The following TENM3 variants were observed in gnomAD, a reference collection of about 807,000 sequenced individuals.
TENM3 encodes the protein teneurin-3.
TENM3 carries 63 observed loss-of-function variants against 255.1 expected under a neutral mutation model. The ratio of observed to expected loss-of-function variants is 0.25; its 90% CI spans 0.20 to 0.30. TENM3 has a LOEUF of 0.30. TENM3 is among the 10% of genes least tolerant of loss of function. The pLI is 1.00. For synonymous variants in TENM3, 1,306 were observed against 1,322.3 expected (o/e 0.99, Z 0.27); for missense variants, 2,929 against 3,461.1 (o/e 0.85, Z 3.86).
intron 3 of TENM3, among the ~76,000 whole-genome samples, chr4:182,417,818 T>A (rs1177906413): frequency 6.6e-6 from 1 of 152,256 alleles, no homozygotes; most frequent in Non-Finnish European, 1.5e-5. Context: ...ATCATTTTGC[T>A]ATTTTCTTTG....
chr4:181,621,596 A>G, the TENM3 span, among the ~76,000 whole-genome samples: 38 of 152,308 alleles, frequency 2.5e-4, no homozygotes, highest in Admixed American at 2.5e-3. Context: ...AACTCCTTTT[A>G]CAATTTCTGT....
chr4:182,032,795 A>C, the TENM3 span, among the ~76,000 whole-genome samples: 2 of 152,206 alleles, frequency 1.3e-5, no homozygotes, highest in African/African-American at 4.8e-5. Flanking sequence ...GTATGTGTCC[A>C]TGAATTTGTC....
the TENM3 span, among the ~76,000 whole-genome samples, chr4:181,609,757 T>C: frequency 1.4e-3 from 220 of 152,378 alleles, no homozygotes; most frequent in African/African-American, 4.9e-3. Flanking sequence ...GGTCATATAT[T>C]ATTTAACTGC....
At chr4:181,450,947 G>T in the TENM3 span, among the ~76,000 whole-genome samples, 6 of 152,134 alleles carry the variant, frequency 3.9e-5, no homozygotes, top group African/African-American at 1.4e-4. Flanking sequence ...ATTCTCTCAG[G>T]TTACACATAT....
intron 3 of TENM3, among the ~76,000 whole-genome samples, chr4:182,503,360 T>G (rs1736505040): frequency 6.6e-6 from 1 of 152,200 alleles, no homozygotes; most frequent in Non-Finnish European, 1.5e-5. Flanking sequence ...ATTGCTTCAG[T>G]GGGTTCAGTT....
At chr4:182,399,046 C>T (rs1250294148) in intron 3 of TENM3, among the ~76,000 whole-genome samples, 1 of 152,110 alleles carries the variant, frequency 6.6e-6, no homozygotes, top group Non-Finnish European at 1.5e-5. Context: ...TGGGCTCTGT[C>T]GGGCGACTGA....
chr4:182,071,280 G>C, the TENM3 span, among the ~76,000 whole-genome samples: 3 of 152,142 alleles, frequency 2.0e-5, no homozygotes, highest in African/African-American at 4.8e-5. Flanking sequence ...GGAATGGCTT[G>C]AGACATCTCC....
chr4:182,040,477 C>G, the TENM3 span, among the ~76,000 whole-genome samples: 4 of 152,128 alleles, frequency 2.6e-5, no homozygotes, highest in Admixed American at 2.0e-4. Flanking sequence ...GTGGCTTACA[C>G]AGAGTTTCCT....
intron 3 of TENM3, among the ~76,000 whole-genome samples, chr4:182,356,322 G>C (rs559292838): frequency 4.6e-5 from 7 of 152,256 alleles, no homozygotes; most frequent in South Asian, 2.1e-4. Flanking sequence ...GGGAAACATA[G>C]TGAGACCCCA....
intron 22 of TENM3, among the ~76,000 whole-genome samples, chr4:182,758,951 G>A (rs1283657567): frequency 6.6e-6 from 1 of 152,136 alleles, no homozygotes; most frequent in Non-Finnish European, 1.5e-5. Flanking sequence ...CCAGCTTTCT[G>A]ACTATCCTGG....
the TENM3 span, among the ~76,000 whole-genome samples, chr4:181,484,374 T>C: frequency 6.6e-6 from 1 of 152,288 alleles, no homozygotes; most frequent in Non-Finnish European, 1.5e-5. Context: ...GATGTGTGAC[T>C]CTTCCGGTGA....
At chr4:182,666,717 T>A (rs1406117445) in intron 6 of TENM3, among the ~76,000 whole-genome samples, 28 of 151,946 alleles carry the variant, frequency 1.8e-4, no homozygotes. Context: ...GACGACATGT[T>A]GAAACCCTGT....
chr4:182,774,876 T>G (rs758602675), intron 23 of TENM3, 42 bp from the exon 24 acceptor site: 36 of 1,430,118 alleles, frequency 2.5e-5, no homozygotes, highest in Non-Finnish European at 3.5e-5. Flanking sequence ...AAGTATTTAA[T>G]CCATATCTAA....
chr4:182,519,887 GA>G (rs1420176292), intron 3 of TENM3, among the ~76,000 whole-genome samples: 1 of 151,948 alleles, frequency 6.6e-6, no homozygotes, highest in African/African-American at 2.4e-5. Context: ...TTGTATTTGG[GA>G]AAAAACCTCT....
the TENM3 span, among the ~76,000 whole-genome samples, chr4:181,771,083 A>G: frequency 6.6e-6 from 1 of 152,226 alleles, no homozygotes; most frequent in African/African-American, 2.4e-5. Context: ...ACCATTGCAC[A>G]TGCAGAGAAC....
At chr4:181,661,232 C>G in the TENM3 span, among the ~76,000 whole-genome samples, 1 of 152,144 alleles carries the variant, frequency 6.6e-6, no homozygotes, top group Non-Finnish European at 1.5e-5. Context: ...TTACTTTACA[C>G]TTTGAAATCA....
At chr4:181,474,664 G>A in the TENM3 span, among the ~76,000 whole-genome samples, 1 of 151,726 alleles carries the variant, frequency 6.6e-6, no homozygotes, top group Non-Finnish European at 1.5e-5. Flanking sequence ...GAACCTGGGA[G>A]GCGGAGGTTG....
the TENM3 span, among the ~76,000 whole-genome samples, chr4:181,828,352 C>G: frequency 2.4e-4 from 36 of 152,198 alleles, no homozygotes; most frequent in African/African-American, 8.4e-4. Context: ...TTGGAGGATG[C>G]CAAATAATAT....
Position 182,800,256 on chromosome 4 carries a change from G to C in TENM3, c.8005G>C (p.Gly2669Arg), listed in dbSNP as rs1459830865. The change falls in exon 28 of 28, where the codon GGG becomes CGG. Residue 2669 changes from glycine (G) to arginine (R), a missense_variant. Physicochemically the swap from Gly to Arg is moderately radical, Grantham distance 125. Around this residue, in one of 6 missense-constraint regions of TENM3, gnomAD observed 476 missense variants for 480.1 expected, o/e 0.99. Transcript: ENST00000511685. Reference sequence around the variant, plus strand: ...CGCCGGCAAGGTGCAGGGCTACGACGGGTACTACGTACTCTCGGTGGAGCA... The same window carrying C: ...CGCCGGCAAGGTGCAGGGCTACGACCGGTACTACGTACTCTCGGTGGAGCA... ...LSAGKVQGYD[G>R]YYVLSVEQYP... The C allele has an allele frequency of 1.3e-6, 2 of 1,594,122 alleles. No homozygotes were observed. Among genetic ancestry groups the C allele is most frequent in the Non-Finnish European group, 8.5e-7 (1 of 1,178,370 alleles).
Sources: allele counts gnomAD v4.1 joint callset (sites outside exome capture counted in the v4.1 genomes callset), GRCh38; gene constraint gnomAD v4.1.1; regional missense constraint gnomAD v4.1.1; transcripts MANE v1.5; gene names NCBI Gene and HGNC (gene_info 2026-07-23, HGNC 2026-07-21).